CIT: variants seen among roughly 807,000 people sequenced by gnomAD.
The protein encoded by CIT is citron Rho-interacting kinase.
CIT carries 79 observed loss-of-function variants against 272.7 expected under a neutral mutation model. That is an observed-to-expected ratio of 0.29 (90% CI 0.24 to 0.35). The LOEUF is 0.35. Among genes scored for constraint, CIT ranks in the 10% least tolerant of loss-of-function variants. The probability of loss-of-function intolerance (pLI) is 1.00; values close to 1 mark genes in which losing one functional copy is unlikely to be tolerated. For missense variants in CIT, 1,909 were observed against 2,618.3 expected (o/e 0.73, Z 5.91); for synonymous variants, 948 against 995.6 (o/e 0.95, Z 0.90).
At chr12:119,714,990 C>T (rs1272761096) in intron 32 of CIT, among the ~76,000 whole-genome samples, 1 of 152,196 alleles carries the variant, frequency 6.6e-6, no homozygotes, top group Non-Finnish European at 1.5e-5. Flanking sequence ...TCTTGAATTG[C>T]AGCTGCCATA....
intron 9 of CIT, among the ~76,000 whole-genome samples, chr12:119,810,406 G>T (rs1231286512): frequency 2.0e-5 from 3 of 152,090 alleles, no homozygotes; most frequent in Admixed American, 2.0e-4. Context: ...ACAGAAAGAA[G>T]TAACAAAATG....
At chr12:119,825,137 A>G in intron 8 of CIT, 28 bp downstream of exon 8, 1 of 1,589,264 alleles carries the variant, frequency 6.3e-7, no homozygotes, top group Non-Finnish European at 8.6e-7. Flanking sequence ...TCTCAATGTG[A>G]CTTCGAAATC....
intron 9 of CIT, among the ~76,000 whole-genome samples, chr12:119,820,222 T>G (rs773645054): frequency 3.3e-5 from 5 of 152,198 alleles, no homozygotes; most frequent in Non-Finnish European, 5.9e-5. Flanking sequence ...CAAATAGTTT[T>G]TCAAACACTT....
chr12:119,809,585 C>A (rs1256284993), intron 9 of CIT, among the ~76,000 whole-genome samples: 1 of 152,198 alleles, frequency 6.6e-6, no homozygotes, highest in Non-Finnish European at 1.5e-5. Context: ...CTGACCTCCT[C>A]CAGCCCTCCT....
At chr12:119,758,770 T>A (rs1961364269) in intron 20 of CIT, 70 bp from the exon 21 acceptor site, 1 of 1,027,360 alleles carries the variant, frequency 9.7e-7, no homozygotes, top group African/African-American at 1.6e-5. Context: ...CGGGCCAGGG[T>A]AAAAGTTTCA....
At chr12:119,705,114 T>C (rs891662264) in intron 40 of CIT, among the ~76,000 whole-genome samples, 4 of 152,240 alleles carry the variant, frequency 2.6e-5, no homozygotes, top group African/African-American at 9.6e-5. Flanking sequence ...GGTTTTGCCA[T>C]GTTGGCCAGG....
At chr12:119,831,656 T>C (rs1254971683) in intron 7 of CIT, among the ~76,000 whole-genome samples, 1 of 152,112 alleles carries the variant, frequency 6.6e-6, no homozygotes, top group African/African-American at 2.4e-5. Context: ...GATCACGAGG[T>C]CAGGAGATCG....
chr12:119,783,351 A>G (rs1460724114), intron 12 of CIT: 2 of 152,340 alleles, frequency 1.3e-5, no homozygotes, highest in Non-Finnish European at 2.9e-5. Context: ...ATTAAAAAAC[A>G]CCTGAATGAA....
At chr12:119,852,248 G>A (rs1230716261) in intron 4 of CIT, among the ~76,000 whole-genome samples, 2 of 152,160 alleles carry the variant, frequency 1.3e-5, no homozygotes, top group Admixed American at 6.5e-5. Context: ...CTAAACATAA[G>A]CAACATCAGA....
At chr12:119,699,808 GC>G in intron 44 of CIT, 1 of 456,094 alleles carries the variant, frequency 2.2e-6, no homozygotes. Flanking sequence ...AAGTCACTAA[GC>G]TTTCAGATGG....
chr12:119,846,495 C>CA (rs1463740305), intron 5 of CIT, among the ~76,000 whole-genome samples: 2 of 152,086 alleles, frequency 1.3e-5, no homozygotes, highest in Non-Finnish European at 2.9e-5. Flanking sequence ...AACTTTGGTC[C>CA]AAAAAATCAA....
intron 32 of CIT, among the ~76,000 whole-genome samples, chr12:119,717,838 C>CTTTTTTTTTTTTTTGTTTTTTTT (rs1957602617): frequency 1.2e-5 from 1 of 81,332 alleles, no homozygotes; most frequent in Non-Finnish European, 2.3e-5. Flanking sequence ...TGACTTCTTT[C>CTTTTTTTTTTTTTTGTTTTTTTT]TTTTTTTTTT....
chr12:119,720,654 G>A, intron 29 of CIT, 69 bp from the exon 30 acceptor site: 2 of 1,174,762 alleles, frequency 1.7e-6, no homozygotes, highest in Non-Finnish European at 2.4e-6. Flanking sequence ...GGTACTTTAA[G>A]AAACTAAAAA....
At chr12:119,813,871 G>A (rs16949709) in intron 9 of CIT, among the ~76,000 whole-genome samples, 2,729 of 152,210 alleles carry the variant, frequency 0.018, 79 homozygotes, top group African/African-American at 0.061. Flanking sequence ...AAATTCCTCA[G>A]GGCTCAGTAT....
chr12:119,688,097 G>A lies in CIT; in HGVS notation c.*135C>T, dbSNP rs1022563497. The A allele has an allele frequency of 5.4e-5, 50 of 922,272 alleles. No homozygotes were observed. The highest frequency in any genetic ancestry group is 8.2e-5 in the African/African-American group (5 of 61,156). 57.1% of individuals were successfully genotyped at this position (922,272 alleles called of 1,614,324 possible). Reference sequence around the variant, plus strand: ...TCCTGGAGACAGGGGTGTCCGTGCCGAGGTGGGTCTGGGCCCCGCTGAGCC... The same window carrying A: ...TCCTGGAGACAGGGGTGTCCGTGCCAAGGTGGGTCTGGGCCCCGCTGAGCC... On this transcript the variant is annotated 3_prime_UTR_variant, in exon 48 of 48. Transcript: ENST00000392521.
rs1958216130 is a variant in CIT, at chr12:119,728,026, C to T, written c.3591+476G>A. On this transcript the variant is annotated intron_variant, in intron 28 of 47. Transcript: ENST00000392521. This position sits in a 1 kb window ranked among gnomAD's most constrained non-coding sequence, Gnocchi z 4.3. ...AAGTGAAAGCAGCTGATCTGAAAGGCTACATCCTGTGTGATTCCAGATATG... is the reference window on the plus strand; with the variant it reads ...AAGTGAAAGCAGCTGATCTGAAAGGTTACATCCTGTGTGATTCCAGATATG... Among the ~76,000 whole-genome samples the T allele has an allele frequency of 6.6e-6, 1 of 152,074 alleles. No individual in the cohort carries two copies. The highest frequency in any genetic ancestry group is 1.5e-5 in the Non-Finnish European group (1 of 68,026).
In CIT at chr12:119,712,725, AAAC is replaced by A. The variant is rs1957230867; in HGVS notation, c.4580-33_4580-31del. ...GTGCAAAGAGGAAGGGCAGAAAGAA[AAAC>A]AAAAGAACAGGAACAAGAACAAGGG... is the stretch of plus-strand genomic sequence containing the variant. On this transcript the variant is annotated intron_variant, in intron 35 of 47. Transcript: ENST00000392521. This position sits in a 1 kb window ranked among gnomAD's most constrained non-coding sequence, Gnocchi z 5.2. 3 of 1,572,148 alleles carry A rather than the reference AAAC, an allele frequency of 1.9e-6. No individual in the cohort carries two copies. In the African/African-American group the frequency reaches 4.1e-5, roughly 21 times the overall value.
At chr12:119,769,495 C>T (rs1962844288) in intron 18 of CIT, among the ~76,000 whole-genome samples, 1 of 152,152 alleles carries the variant, frequency 6.6e-6, no homozygotes, top group African/African-American at 2.4e-5. Flanking sequence ...AATGAATGAA[C>T]ACATCACCAT....
At chr12:119,845,581 A>G (rs1306497934) in intron 5 of CIT, among the ~76,000 whole-genome samples, 1 of 144,856 alleles carries the variant, frequency 6.9e-6, no homozygotes, top group Non-Finnish European at 1.5e-5. Flanking sequence ...TGAACCTAGG[A>G]GGTGGAGGCT....
Sources: allele counts gnomAD v4.1 joint callset (sites outside exome capture counted in the v4.1 genomes callset), GRCh38; gene constraint gnomAD v4.1.1; non-coding constraint Gnocchi (gnomAD v3.1); transcripts MANE v1.5; gene names NCBI Gene and HGNC (gene_info 2026-07-23, HGNC 2026-07-21).